EFCAB6: variants seen among roughly 807,000 people sequenced by gnomAD.
The protein encoded by EFCAB6 is EF-hand calcium binding domain 6.
A neutral mutation model predicts 169.8 loss-of-function variants in EFCAB6; 156 were observed. The ratio of observed to expected loss-of-function variants is 0.92; its 90% CI spans 0.81 to 1.05. The LOEUF (loss-of-function observed/expected upper bound fraction) is 1.05, where lower values mean the gene tolerates loss of function less well. Ranked by LOEUF, EFCAB6 falls within the 50% of genes least tolerant of loss-of-function variation. EFCAB6 has a pLI of 0.00. For synonymous variants in EFCAB6, 698 were observed against 676.4 expected, an observed-to-expected ratio of 1.03 and a Z score of -0.50; for missense variants, 1,800 against 1,829.1, an observed-to-expected ratio of 0.98 and a Z score of 0.29.
intron 26 of EFCAB6, among the ~76,000 whole-genome samples, chr22:43,571,047 C>T (rs2049840869): frequency 6.6e-6 from 1 of 152,170 alleles, no homozygotes; most frequent in Non-Finnish European, 1.5e-5. Flanking sequence ...ATGGTCAAGC[C>T]ACACAGCAGG....
intron 17 of EFCAB6, among the ~76,000 whole-genome samples, chr22:43,650,384 G>A (rs2187767): frequency 0.29 from 43,448 of 152,058 alleles, 7,151 homozygotes; most frequent in East Asian, 0.64. Context: ...ATTGCCTGCC[G>A]CCATCCATGT....
chr22:43,612,626 TC>T (rs1406992914), intron 21 of EFCAB6, among the ~76,000 whole-genome samples: 35 of 152,178 alleles, frequency 2.3e-4, no homozygotes, highest in African/African-American at 7.7e-4. Flanking sequence ...GTGTGGTGGC[TC>T]ACACCTGTAA....
intron 8 of EFCAB6, among the ~76,000 whole-genome samples, chr22:43,720,169 GA>G (rs35389655): frequency 0.88 from 132,814 of 151,134 alleles, 58,363 homozygotes; most frequent in East Asian, 0.99. Flanking sequence ...CAATAAAGAT[GA>G]AAAAAAAAAT....
At chr22:43,681,399 A>G (rs776423155) in intron 12 of EFCAB6, among the ~76,000 whole-genome samples, 6 of 152,086 alleles carry the variant, frequency 3.9e-5, no homozygotes, top group South Asian at 2.1e-4. Context: ...GTCACAAAGG[A>G]TATTGGCCTG....
At chr22:43,754,561 C>A (rs893430319) in intron 6 of EFCAB6, among the ~76,000 whole-genome samples, 1 of 152,178 alleles carries the variant, frequency 6.6e-6, no homozygotes, top group African/African-American at 2.4e-5. Flanking sequence ...TGGGTTTCAA[C>A]TCTTAGCAGG....
intron 26 of EFCAB6, 102 bp downstream of exon 26, chr22:43,576,195 A>C: frequency 1.0e-6 from 1 of 989,718 alleles, no homozygotes; most frequent in Non-Finnish European, 1.4e-6. Context: ...ACATGAGGTG[A>C]TTGCCAATTT....
At chr22:43,539,977 T>G in intron 28 of EFCAB6, 150 bp downstream of exon 28, 1 of 781,978 alleles carries the variant, frequency 1.3e-6, no homozygotes, top group Non-Finnish European at 2.0e-6. Flanking sequence ...GACCTGCCAG[T>G]GGGATCCTTG....
chr22:43,662,196 A>G (rs2057039198), intron 17 of EFCAB6, among the ~76,000 whole-genome samples: 1 of 145,546 alleles, frequency 6.9e-6, no homozygotes, highest in Non-Finnish European at 1.5e-5. Flanking sequence ...TAATAATAAT[A>G]ATAATAATTT....
intron 8 of EFCAB6, among the ~76,000 whole-genome samples, chr22:43,723,397 C>G (rs1195093651): frequency 6.6e-6 from 1 of 152,078 alleles, no homozygotes. Context: ...TGCAGTATAC[C>G]TGTGTAACAA....
chr22:43,652,211 G>C (rs1020422063), intron 17 of EFCAB6, among the ~76,000 whole-genome samples: 1 of 152,124 alleles, frequency 6.6e-6, no homozygotes, highest in African/African-American at 2.4e-5. Flanking sequence ...TTGAATCATG[G>C]GGGCAAGTCT....
intron 20 of EFCAB6, among the ~76,000 whole-genome samples, chr22:43,625,454 G>T (rs1003080111): frequency 3.9e-5 from 6 of 152,174 alleles, no homozygotes; most frequent in Non-Finnish European, 8.8e-5. Flanking sequence ...GTCGGCTCTC[G>T]GCAGATCTCA....
intron 8 of EFCAB6, among the ~76,000 whole-genome samples, chr22:43,725,419 G>T (rs1270658600): frequency 2.0e-5 from 3 of 152,174 alleles, no homozygotes; most frequent in Non-Finnish European, 4.4e-5. Context: ...GGGATTACAG[G>T]CGTGACCCAC....
intron 13 of EFCAB6, among the ~76,000 whole-genome samples, chr22:43,675,514 AG>A (rs36139536): frequency 0.052 from 7,391 of 142,090 alleles, 283 homozygotes; most frequent in Non-Finnish European, 0.081. Flanking sequence ...AATATAATAT[AG>A]GATTTATTAA....
chr22:43,781,440 C>T (rs112113165), intron 3 of EFCAB6, among the ~76,000 whole-genome samples: 4,929 of 152,252 alleles, frequency 0.032, 173 homozygotes, highest in African/African-American at 0.086. Context: ...CTTCCCACCT[C>T]AGCCTCCCAA....
chr22:43,723,908 CA>C (rs34689594), intron 8 of EFCAB6, among the ~76,000 whole-genome samples: 2 of 152,202 alleles, frequency 1.3e-5, no homozygotes, highest in Non-Finnish European at 2.9e-5. Flanking sequence ...GGGTAATTGC[CA>C]AAAACCATTC....
intron 5 of EFCAB6, among the ~76,000 whole-genome samples, chr22:43,763,581 T>C (rs1944987370): frequency 1.3e-5 from 2 of 152,130 alleles, no homozygotes; most frequent in African/African-American, 4.8e-5. Flanking sequence ...GATACCAGAA[T>C]TTTCTAATAA....
chr22:43,571,345 G>C (rs555184122), intron 26 of EFCAB6, among the ~76,000 whole-genome samples: 48 of 152,252 alleles, frequency 3.2e-4, no homozygotes, highest in Admixed American at 7.2e-4. Flanking sequence ...CTTGCTTTGC[G>C]GGGAGAGTTG....
At chr22:43,749,587 T>C (rs1348736462) in intron 6 of EFCAB6, among the ~76,000 whole-genome samples, 1 of 152,028 alleles carries the variant, frequency 6.6e-6, no homozygotes, top group Non-Finnish European at 1.5e-5. Context: ...CGTGCTCCTA[T>C]GAGAAGCTAA....
At chr22:43,787,260 T>C (rs1169426279) in intron 2 of EFCAB6, among the ~76,000 whole-genome samples, 1 of 151,900 alleles carries the variant, frequency 6.6e-6, no homozygotes, top group Non-Finnish European at 1.5e-5. Flanking sequence ...TATTGGAGAC[T>C]AAGATGAAAA....
Sources: allele counts gnomAD v4.1 joint callset (sites outside exome capture counted in the v4.1 genomes callset), GRCh38; gene constraint gnomAD v4.1.1; transcripts MANE v1.5; gene names NCBI Gene and HGNC (gene_info 2026-07-23, HGNC 2026-07-21).